Variants in DUSP22 observed in about 807,000 individuals in gnomAD.
The protein encoded by DUSP22 is dual specificity protein phosphatase 22.
Under a neutral mutation model 24.5 loss-of-function variants are expected in DUSP22, and 24 were observed. The ratio of observed to expected loss-of-function variants is 0.98; its 90% CI spans 0.71 to 1.38. DUSP22 has a LOEUF of 1.38. DUSP22 is among the 40% of genes most tolerant of loss of function. DUSP22 has a pLI of 0.00. For missense variants in DUSP22, 330 were observed against 269.2 expected, an observed-to-expected ratio of 1.23 and a Z score of -1.58; for synonymous variants, 160 against 106.4, an observed-to-expected ratio of 1.50 and a Z score of -3.10.
At chr6:295,298 A>G (rs1204344785) in intron 1 of DUSP22, among the ~76,000 whole-genome samples, 1 of 152,300 alleles carries the variant, frequency 6.6e-6, no homozygotes, top group Non-Finnish European at 1.5e-5. Flanking sequence ...TGCACGCTGC[A>G]TTCTGAGTGC....
intron 2 of DUSP22, among the ~76,000 whole-genome samples, chr6:311,594 T>G (rs909330655): frequency 1.3e-5 from 2 of 152,388 alleles, no homozygotes; most frequent in African/African-American, 2.4e-5. Flanking sequence ...GCAGGAGAAT[T>G]GTGTGAACCC....
intron 1 of DUSP22, among the ~76,000 whole-genome samples, chr6:299,944 CTGTT>C (rs1346770098): frequency 2.6e-5 from 4 of 152,302 alleles, no homozygotes; most frequent in African/African-American, 7.2e-5. Flanking sequence ...TTCACATTGT[CTGTT>C]TGTTCACTCA....
At chr6:331,089 C>G (rs1017248219) in intron 3 of DUSP22, among the ~76,000 whole-genome samples, 1 of 152,302 alleles carries the variant, frequency 6.6e-6, no homozygotes, top group Non-Finnish European at 1.5e-5. Context: ...GGTCTTGAAG[C>G]AAACACAGAG....
chr6:332,881 T>A (rs372779061), intron 3 of DUSP22, among the ~76,000 whole-genome samples: 1 of 152,212 alleles, frequency 6.6e-6, no homozygotes, highest in African/African-American at 2.4e-5. Flanking sequence ...GGAGGGAGAG[T>A]GTGGGAGGAA....
In DUSP22 at chr6:350,871, T is replaced by G; in HGVS notation, c.*1920T>G. On this transcript the variant is annotated 3_prime_UTR_variant, in exon 7 of 7. Coordinates refer to ENST00000419235, the MANE Select transcript of DUSP22 (RefSeq NM_001286555.3). ...GGGCCTTTCTCAGAAGACTGTAATG[T>G]ACCTGAAGTTTCTGAAATATTGCAA... 1 of 1,614,238 alleles carries G rather than the reference T, an allele frequency of 6.2e-7. No individual in the cohort carries two copies. The highest frequency in any genetic ancestry group is 8.5e-7 in the Non-Finnish European group (1 of 1,180,012).
At chr6:348,380 C>T in intron 6 of DUSP22, 106 bp downstream of exon 6, 4 of 1,537,510 alleles carry the variant, frequency 2.6e-6, no homozygotes, top group Non-Finnish European at 3.5e-6. Flanking sequence ...GTTGAAAGGC[C>T]CACAGAGGAC....
intron 3 of DUSP22, among the ~76,000 whole-genome samples, chr6:333,369 C>A (rs1416297530): frequency 6.6e-6 from 1 of 152,306 alleles, no homozygotes; most frequent in Non-Finnish European, 1.5e-5. Context: ...CTTCAAGACC[C>A]AAAAGGGCCT....
chr6:316,376 G>T (rs1758336284), intron 3 of DUSP22, among the ~76,000 whole-genome samples: 1 of 152,308 alleles, frequency 6.6e-6, no homozygotes, highest in Non-Finnish European at 1.5e-5. Context: ...GCCCAGACCT[G>T]TTTAAGAGGA....
At chr6:334,362 T>G (rs1309307114) in intron 3 of DUSP22, among the ~76,000 whole-genome samples, 1 of 152,310 alleles carries the variant, frequency 6.6e-6, no homozygotes, top group African/African-American at 2.4e-5. Flanking sequence ...ACAGAGCTTT[T>G]GAAACATTCT....
chr6:333,764 TCTGCCCCCGCC>T (rs1485922993), intron 3 of DUSP22, among the ~76,000 whole-genome samples: 3 of 152,292 alleles, frequency 2.0e-5, no homozygotes, highest in African/African-American at 7.2e-5. Flanking sequence ...GAGCATGTGC[TCTGCCCCCGCC>T]CTGCGCCCAC....
chr6:301,873 A>C (rs62390173), intron 1 of DUSP22, among the ~76,000 whole-genome samples: 1 of 152,298 alleles, frequency 6.6e-6, no homozygotes, highest in Non-Finnish European at 1.5e-5. Flanking sequence ...ATGGTTCTAC[A>C]ACATTAGAAT....
chr6:304,672 G>C lies in DUSP22; in HGVS notation c.55+11G>C. 1 of 1,614,178 alleles carries C rather than the reference G, an allele frequency of 6.2e-7. No individual in the cohort carries two copies. Among genetic ancestry groups the C allele is most frequent in the Non-Finnish European group, 8.5e-7 (1 of 1,179,962 alleles). The stretch of plus-strand genomic sequence containing the variant: ...TCGGCAACTTCAAAGGTGAGTTCTT[G>C]CTTTTTTATTGTTGTGATAAAATAC... On this transcript the variant is annotated intron_variant, in intron 2 of 6. Transcript: ENST00000419235.
intron 1 of DUSP22, 47 bp downstream of exon 1, chr6:292,607 C>A (rs1487428475): frequency 1.3e-6 from 2 of 1,574,486 alleles, no homozygotes; most frequent in African/African-American, 1.4e-5. Flanking sequence ...GCTCCGACGC[C>A]CTGCCGTCTC....
At chr6:342,804 C>A (rs988656247) in intron 4 of DUSP22, among the ~76,000 whole-genome samples, 1 of 152,306 alleles carries the variant, frequency 6.6e-6, no homozygotes, top group Non-Finnish European at 1.5e-5. Context: ...TCCCTACCCA[C>A]AGCCTTTCCA....
intron 1 of DUSP22, 131 bp from the exon 2 acceptor site, chr6:304,497 C>T: frequency 3.0e-6 from 4 of 1,354,410 alleles, no homozygotes; most frequent in Non-Finnish European, 4.2e-6. Flanking sequence ...ACCCGCGTGT[C>T]TGTCAGGGAG....
At chr6:311,428 C>T (rs1289324797) in intron 2 of DUSP22, among the ~76,000 whole-genome samples, 2 of 152,188 alleles carry the variant, frequency 1.3e-5, no homozygotes, top group African/African-American at 4.8e-5. Context: ...CGCCTGTAAT[C>T]CCAGCACTTT....
In DUSP22 at chr6:314,519, CT is replaced by C. The variant is rs1240265619; in HGVS notation, c.138+2561del. On this transcript the variant is annotated intron_variant, in intron 3 of 6. Coordinates refer to ENST00000419235, the MANE Select transcript of DUSP22 (RefSeq NM_001286555.3). ...GTTACTTAGCATCAGTTACAAAGGG[CT>C]TTTGGAAACTCTAGTTCTGCCTTTA... Among the ~76,000 whole-genome samples, 54 of 152,338 alleles carry C rather than the reference CT, an allele frequency of 3.5e-4. No individual in the cohort carries two copies. In the South Asian group the frequency reaches 0.011, roughly 31 times the overall value.
chr6:334,865 C>T (rs1759292561), intron 3 of DUSP22, among the ~76,000 whole-genome samples: 1 of 152,298 alleles, frequency 6.6e-6, no homozygotes, highest in South Asian at 2.1e-4. Flanking sequence ...TTTTGATGTG[C>T]CCTTTGAATT....
At chr6:306,738 T>C (rs1757827532) in intron 2 of DUSP22, among the ~76,000 whole-genome samples, 1 of 152,312 alleles carries the variant, frequency 6.6e-6, no homozygotes, top group Non-Finnish European at 1.5e-5. Flanking sequence ...TGCACAAGCT[T>C]ATCGGGAACA....
Sources: gnomAD v4.1 joint callset for allele counts (sites outside exome capture counted in the v4.1 genomes callset) on GRCh38, gnomAD v4.1.1 for gene constraint, MANE v1.5 for transcripts, NCBI Gene and HGNC (gene_info 2026-07-23, HGNC 2026-07-21) for gene names.